The following PRKCB variants were observed in gnomAD, a reference collection of about 807,000 sequenced individuals.
PRKCB encodes protein kinase C beta type.
In PRKCB, 13 loss-of-function variants were observed where a neutral mutation model predicts 81.5. The observed-to-expected ratio is 0.16, with a 90% CI of 0.10 to 0.25. PRKCB has a LOEUF of 0.25. Among genes scored for constraint, PRKCB ranks in the 10% least tolerant of loss-of-function variants. The probability of loss-of-function intolerance (pLI) is 1.00; values close to 1 mark genes in which losing one functional copy is unlikely to be tolerated. For synonymous variants in PRKCB, 335 were observed against 321.4 expected, an observed-to-expected ratio of 1.04 and a Z score of -0.45; for missense variants, 509 against 875.7, an observed-to-expected ratio of 0.58 and a Z score of 5.29.
intron 2 of PRKCB, among the ~76,000 whole-genome samples, chr16:23,864,062 G>T (rs1962730286): frequency 6.6e-6 from 1 of 152,090 alleles, no homozygotes; most frequent in East Asian, 1.9e-4. Flanking sequence ...TTGTTCCTTT[G>T]TAGGGCGACT....
intron 2 of PRKCB, among the ~76,000 whole-genome samples, chr16:23,847,572 CCA>C (rs1962402040): frequency 6.7e-5 from 10 of 150,086 alleles, no homozygotes; most frequent in African/African-American, 2.5e-4. Flanking sequence ...ATCCATCCAT[CCA>C]TCCGTCTGGC....
chr16:24,136,162 G>A (rs796331819), intron 9 of PRKCB, among the ~76,000 whole-genome samples: 13 of 145,020 alleles, frequency 9.0e-5, no homozygotes, highest in African/African-American at 3.1e-4. Context: ...CCACCTTCCC[G>A]AATTTTCCAG....
intron 2 of PRKCB, among the ~76,000 whole-genome samples, chr16:23,856,336 C>T (rs1470406914): frequency 6.6e-6 from 1 of 152,128 alleles, no homozygotes; most frequent in East Asian, 1.9e-4. Flanking sequence ...TGCCCTTAAC[C>T]CCTGTATCAG....
rs182922134 is a variant in PRKCB at position 24,057,349 on chromosome 16, G to A, written c.529+21802G>A. ...GAATTCACTTGCCCAAAGTCCCATC[G>A]CTAGGGAGCGATGGGATTTGAATTA... On this transcript the variant is annotated intron_variant, in intron 5 of 16. Transcript: ENST00000643927. Among the ~76,000 whole-genome samples, 11 of 152,280 alleles carry A rather than the reference G, an allele frequency of 7.2e-5. No individual in the cohort carries two copies. The South Asian group carries it at 1.0e-3, about 14-fold the overall frequency.
chr16:24,071,436 T>TAAAAAAAAAAAAAAAAAA (rs398042091), intron 5 of PRKCB, among the ~76,000 whole-genome samples: 1 of 57,274 alleles, frequency 1.7e-5, no homozygotes, highest in African/African-American at 5.8e-5. Flanking sequence ...AGACCCTGTC[T>TAAAAAAAAAAAAAAAAAA]AAAAAAAAAA....
intron 5 of PRKCB, among the ~76,000 whole-genome samples, chr16:24,085,574 T>C (rs145870795): frequency 1.2e-3 from 187 of 152,328 alleles, no homozygotes; most frequent in African/African-American, 3.8e-3. Flanking sequence ...CAGTTCTAAA[T>C]TGAGGTTGCT....
In PRKCB at chr16:23,899,784, C is replaced by T. The variant is rs1963440355; in HGVS notation, c.205+62378C>T. On this transcript the variant is annotated intron_variant, in intron 2 of 16. Transcript: ENST00000643927. Reference sequence around the variant, plus strand: ...TTCTGAGGAGCTGGGACCGTAGGCACGTGCCACCAGGCCCAGCAAATAAAA... The same window carrying T: ...TTCTGAGGAGCTGGGACCGTAGGCATGTGCCACCAGGCCCAGCAAATAAAA... Among the ~76,000 whole-genome samples the T allele has an allele frequency of 6.2e-5, 2 of 32,214 alleles. 1 individual carries two copies. The highest frequency in any genetic ancestry group is 1.3e-3 in the South Asian group (2 of 1,522). 21.1% of individuals were successfully genotyped at this position (32,214 alleles called of 152,430 possible). A position where few individuals can be genotyped will look rare whatever the true frequency, so the allele number is the denominator to read the frequency against.
At chr16:24,096,666 AATATATATATATATAT>A (rs58341820) in intron 7 of PRKCB, among the ~76,000 whole-genome samples, 3,332 of 32,756 alleles carry the variant, frequency 0.1, 147 homozygotes, top group East Asian at 0.16. Flanking sequence ...AAAAAAAAAA[AATATATATATATATAT>A]ATATATATAT....
In PRKCB at chr16:23,947,075, C is replaced by T. The variant is rs186953656; in HGVS notation, c.206-41433C>T. On this transcript the variant is annotated intron_variant, in intron 2 of 16. Transcript: ENST00000643927. ...TTTACCATGTTGGCCAGGCTGGTCT[C>T]GAACTTCTGATCTCAAACGATCCAC... 5.3e-5 allele frequency among the ~76,000 whole-genome samples: 8 copies of T among 152,256 alleles called. No individual in the cohort carries two copies. In the South Asian group the frequency reaches 8.3e-4, roughly 16 times the overall value.
intron 5 of PRKCB, among the ~76,000 whole-genome samples, chr16:24,059,607 C>A (rs188600634): frequency 6.6e-6 from 1 of 151,922 alleles, no homozygotes; most frequent in Non-Finnish European, 1.5e-5. Flanking sequence ...TTTGAGGCTG[C>A]AGTAAGCTAT....
chr16:24,042,165 A>G (rs571600258), intron 5 of PRKCB, among the ~76,000 whole-genome samples: 23 of 152,292 alleles, frequency 1.5e-4, no homozygotes, highest in African/African-American at 5.3e-4. Context: ...TTGCCCAGCC[A>G]TGCGTCAATT....
At chr16:23,985,529 A>G (rs1241681382) in intron 2 of PRKCB, among the ~76,000 whole-genome samples, 1 of 152,248 alleles carries the variant, frequency 6.6e-6, no homozygotes, top group East Asian at 1.9e-4. Flanking sequence ...TGGAGAAAAT[A>G]AGAGTTCAAC....
intron 5 of PRKCB, among the ~76,000 whole-genome samples, chr16:24,043,214 C>T (rs1295408883): frequency 6.6e-6 from 1 of 152,154 alleles, no homozygotes; most frequent in African/African-American, 2.4e-5. Context: ...TGAGCTCTGG[C>T]TATTGGGATG....
intron 5 of PRKCB, among the ~76,000 whole-genome samples, chr16:24,069,003 T>C (rs1156997508): frequency 6.6e-6 from 1 of 152,162 alleles, no homozygotes; most frequent in East Asian, 1.9e-4. Context: ...ATGCCAGACA[T>C]TCTATTAATT....
intron 5 of PRKCB, among the ~76,000 whole-genome samples, chr16:24,077,397 C>CTCCATCCA (rs5816242): frequency 0.011 from 1,627 of 150,522 alleles, 33 homozygotes; most frequent in African/African-American, 0.038. Context: ...GCATTCATCT[C>CTCCATCCA]TCCATCCATC....
At chr16:23,843,790 CAAAAAAAAAAAAAAAA>C (rs544908905) in intron 2 of PRKCB, among the ~76,000 whole-genome samples, 2 of 113,882 alleles carry the variant, frequency 1.8e-5, no homozygotes, top group Non-Finnish European at 3.5e-5. Context: ...GTATCTAGGC[CAAAAAAAAAAAAAAAA>C]AAAAAAAAAA....
chr16:23,970,233 G>A (rs545622145), intron 2 of PRKCB, among the ~76,000 whole-genome samples: 5 of 152,294 alleles, frequency 3.3e-5, no homozygotes, highest in African/African-American at 1.2e-4. Context: ...GTTGTCCAAG[G>A]TTAATGTCAT....
At chr16:24,091,359 G>C (rs1273329122) in intron 5 of PRKCB, among the ~76,000 whole-genome samples, 1 of 152,204 alleles carries the variant, frequency 6.6e-6, no homozygotes, top group Non-Finnish European at 1.5e-5. Context: ...TTAGCAGATA[G>C]TTAGAGTCGA....
intron 2 of PRKCB, among the ~76,000 whole-genome samples, chr16:23,899,644 CTG>C (rs1224002439): frequency 1.6e-3 from 9 of 5,794 alleles, no homozygotes; most frequent in South Asian, 0.028. Context: ...CTCTCTCTCT[CTG>C]TGTGTGTGTG....
Sources: allele counts gnomAD v4.1 joint callset (sites outside exome capture counted in the v4.1 genomes callset), GRCh38; gene constraint gnomAD v4.1.1; transcripts MANE v1.5; gene names NCBI Gene and HGNC (gene_info 2026-07-23, HGNC 2026-07-21).